AGO3: variants seen among roughly 807,000 people sequenced by gnomAD.
AGO3 encodes the protein protein argonaute-3.
A neutral mutation model predicts 105.5 loss-of-function variants in AGO3; 16 were observed. The ratio of observed to expected loss-of-function variants is 0.15; its 90% CI spans 0.10 to 0.23. The LOEUF (loss-of-function observed/expected upper bound fraction) is 0.23, where lower values mean the gene tolerates loss of function less well. Ranked by LOEUF, AGO3 falls within the 10% of genes least tolerant of loss-of-function variation. AGO3 has a pLI of 1.00. For missense variants in AGO3, 534 were observed against 1,088.0 expected (o/e 0.49, Z 7.16); for synonymous variants, 340 against 367.3 (o/e 0.93, Z 0.85).
intron 12 of AGO3, among the ~76,000 whole-genome samples, chr1:36,030,830 T>C (rs1641740304): frequency 6.6e-6 from 1 of 152,218 alleles, no homozygotes; most frequent in African/African-American, 2.4e-5. Context: ...CATTCTCTTT[T>C]AACATATTAG....
chr1:35,978,232 C>T (rs1028831430), intron 5 of AGO3, among the ~76,000 whole-genome samples: 9 of 152,090 alleles, frequency 5.9e-5, no homozygotes, highest in African/African-American at 1.7e-4. Flanking sequence ...TCTTGTCACC[C>T]AGGCTGGAGT....
At chr1:35,994,042 A>ATTTTTTTTTTTTTTT (rs759085356) in intron 5 of AGO3, among the ~76,000 whole-genome samples, 1 of 65,838 alleles carries the variant, frequency 1.5e-5, no homozygotes, top group African/African-American at 7.1e-5. Context: ...CTGCGCCCAG[A>ATTTTTTTTTTTTTTT]TTTTTTTTTT....
chr1:35,951,852 A>G (rs72661631), intron 2 of AGO3, among the ~76,000 whole-genome samples: 7,229 of 152,268 alleles, frequency 0.047, 259 homozygotes, highest in South Asian at 0.083. Context: ...AAGAGGGGGC[A>G]TATTTCATTT....
chr1:36,040,116 T>G, intron 15 of AGO3, 132 bp downstream of exon 15: 2 of 1,221,396 alleles, frequency 1.6e-6, no homozygotes, highest in Non-Finnish European at 1.1e-6. Flanking sequence ...TAGATTGTCT[T>G]TTTGAAAATG....
chr1:36,033,490 A>T lies in AGO3; in HGVS notation c.1592-684A>T, dbSNP rs549188030. On this transcript the variant is annotated intron_variant, in intron 12 of 18. Coordinates refer to ENST00000373191, the MANE Select transcript of AGO3 (RefSeq NM_024852.4). ...CCTCCCTCATCTCTACTTAAATAAA[A>T]AAAAAAAGGCTTGGTGTGGTGGTGC... Among the ~76,000 whole-genome samples the T allele has an allele frequency of 9.2e-5, 14 of 151,726 alleles. No individual in the cohort carries two copies. The East Asian group carries it at 1.6e-3, about 17-fold the overall frequency.
At chr1:35,961,875 C>T (rs925111363) in intron 2 of AGO3, among the ~76,000 whole-genome samples, 15 of 152,166 alleles carry the variant, frequency 9.9e-5, no homozygotes, top group African/African-American at 2.9e-4. Flanking sequence ...CCCTTTTCCA[C>T]AGCAGCAGTG....
At chr1:36,052,806 G>A (rs1256867735) in intron 17 of AGO3, among the ~76,000 whole-genome samples, 1 of 152,074 alleles carries the variant, frequency 6.6e-6, no homozygotes, top group Non-Finnish European at 1.5e-5. Context: ...CAGCCCAAGA[G>A]TTGGAGACCA....
At chr1:35,956,853 G>T (rs1646576037) in intron 2 of AGO3, among the ~76,000 whole-genome samples, 1 of 151,374 alleles carries the variant, frequency 6.6e-6, no homozygotes, top group African/African-American at 2.4e-5. Context: ...TCACTGTGAT[G>T]CCCACGCTGG....
At chr1:35,942,065 T>C (rs2148745822) in intron 1 of AGO3, among the ~76,000 whole-genome samples, 1 of 152,332 alleles carries the variant, frequency 6.6e-6, no homozygotes, top group East Asian at 1.9e-4. Flanking sequence ...GAGCCAGTAC[T>C]AAGGGCTAGT....
Position 36,040,368 on chromosome 1 carries a change from A to G in AGO3, c.2099A>G (p.Gln700Arg). The G allele has an allele frequency of 6.2e-7, 1 of 1,613,942 alleles. No homozygotes were observed. The highest frequency in any genetic ancestry group is 1.1e-5 in the South Asian group (1 of 91,076). Residue 700 changes from glutamine (Q) to arginine (R), a missense_variant, in exon 16 of 19, where the codon CAA becomes CGA. This residue lies in a region of AGO3 where 373 missense variants were observed against 854.0 expected (regional missense o/e 0.44). Transcript: ENST00000373191. Reference sequence around the variant, plus strand: ...TGCATCAGTTTGGAGAAAGACTATCAACCTGGAATAACCTACATTGTAGTT... The same window carrying G: ...TGCATCAGTTTGGAGAAAGACTATCGACCTGGAATAACCTACATTGTAGTT... The part of the protein sequence containing the change: ...EACISLEKDY[Q>R]PGITYIVVQK...
intron 2 of AGO3, among the ~76,000 whole-genome samples, chr1:35,957,641 G>T (rs1646594925): frequency 6.6e-6 from 1 of 151,870 alleles, no homozygotes; most frequent in South Asian, 2.1e-4. Context: ...CATGAGAATT[G>T]CTTGAACCTG....
chr1:36,018,872 G>A (rs1390905695), intron 11 of AGO3, among the ~76,000 whole-genome samples: 4 of 151,978 alleles, frequency 2.6e-5, no homozygotes, highest in African/African-American at 9.7e-5. Context: ...TAGCAGAGAA[G>A]TCTTGATCCA....
chr1:35,955,423 A>G (rs549632163), intron 2 of AGO3, among the ~76,000 whole-genome samples: 1 of 152,350 alleles, frequency 6.6e-6, no homozygotes, highest in South Asian at 2.1e-4. Flanking sequence ...AACTGTAGAA[A>G]AAGATGAGAA....
rs574026849 is a variant in AGO3 at position 35,944,407 on chromosome 1, CAA to C, written c.20-1283_20-1282del. ...TTCTCTAGGAATTTGTCTGTTTCAT[CAA>C]ACTGTCAAATTTATTGACACAATGT... On this transcript the variant is annotated intron_variant, in intron 1 of 18. Transcript: ENST00000373191. Among the ~76,000 whole-genome samples the C allele has an allele frequency of 1.7e-4, 26 of 152,108 alleles. No homozygotes were observed. The East Asian group carries it at 5.0e-3, about 29-fold the overall frequency.
rs536947273 is a variant in AGO3, at chr1:36,055,970, G to A, written c.*225G>A. On this transcript the variant is annotated 3_prime_UTR_variant, in exon 19 of 19. Coordinates refer to ENST00000373191, the MANE Select transcript of AGO3 (RefSeq NM_024852.4). The surrounding 1 kb of genome is among the most constrained non-coding windows in gnomAD (Gnocchi z 4.4). ...GAAACCAGCCAACTGCTTTTTGTGC[G>A]GTCTCCTATAGGAAGTATCGCAATT... is the stretch of plus-strand genomic sequence containing the variant. 1.7e-5 allele frequency: 8 copies of A among 464,036 alleles called. No homozygotes were observed. The highest frequency in any genetic ancestry group is 7.8e-5 in the African/African-American group (4 of 51,062). The allele number at this position is 464,036 out of a possible 1,614,324, so 28.7% of individuals were successfully genotyped here.
At chr1:35,975,509 A>G (rs564481048) in intron 5 of AGO3, among the ~76,000 whole-genome samples, 21 of 150,196 alleles carry the variant, frequency 1.4e-4, no homozygotes, top group African/African-American at 5.2e-4. Flanking sequence ...CTAGGTTGCT[A>G]TTTGTCTTTT....
At chr1:35,966,818 A>G (rs751823050) in intron 2 of AGO3, 137 bp from the exon 3 acceptor site, 3 of 1,065,618 alleles carry the variant, frequency 2.8e-6, no homozygotes, top group African/African-American at 3.2e-5. Flanking sequence ...CCAAGATTCT[A>G]AAAGCAAAAT....
In AGO3 at chr1:36,068,608, G is replaced by C. The variant is rs1643123753; in HGVS notation, c.*12863G>C. 6.6e-6 allele frequency: 1 copy of C among 152,148 alleles called. No homozygotes were observed. The allele number at this position is 152,148 out of a possible 1,614,324, so 9.4% of individuals were successfully genotyped here. Reference sequence around the variant, plus strand: ...GAAAATTAATATAGCTTATGGTTTTGATAAATTGGACTCTGATTTAAACTT... The same window carrying C: ...GAAAATTAATATAGCTTATGGTTTTCATAAATTGGACTCTGATTTAAACTT... On this transcript the variant is annotated 3_prime_UTR_variant, in exon 19 of 19. Transcript: ENST00000373191.
Position 36,060,850 on chromosome 1 carries a change from T to C in AGO3, c.*5105T>C, listed in dbSNP as rs1441305312. ...TTCATTCTTTTTGAGAATTCATAAA[T>C]GTCTTAAAGCTTCAGTAAGAATTGT... is the stretch of plus-strand genomic sequence containing the variant. On this transcript the variant is annotated 3_prime_UTR_variant, in exon 19 of 19. Transcript: ENST00000373191. 2.0e-5 allele frequency: 3 copies of C among 152,232 alleles called. No homozygotes were observed. Among genetic ancestry groups the C allele is most frequent in the Non-Finnish European group, 2.9e-5 (2 of 68,034 alleles). The allele number at this position is 152,232 out of a possible 1,614,324, so 9.4% of individuals were successfully genotyped here.
Sources: allele counts gnomAD v4.1 joint callset (sites outside exome capture counted in the v4.1 genomes callset), GRCh38; gene constraint gnomAD v4.1.1; regional missense constraint gnomAD v4.1.1; non-coding constraint Gnocchi (gnomAD v3.1); transcripts MANE v1.5; gene names NCBI Gene and HGNC (gene_info 2026-07-23, HGNC 2026-07-21).